The following ARB2A variants were observed in gnomAD, a reference collection of about 807,000 sequenced individuals.
ARB2A encodes the protein ARB2 cotranscriptional regulator A, also known as cotranscriptional regulator ARB2A.
At chr5:93,728,815 ACAT>A in the ARB2A span, among the ~76,000 whole-genome samples, 1 of 152,158 alleles carries the variant, frequency 6.6e-6, no homozygotes, top group Non-Finnish European at 1.5e-5. Context: ...GACAACAACA[ACAT>A]CATTAACAAA....
the ARB2A span, among the ~76,000 whole-genome samples, chr5:94,034,695 C>T: frequency 6.6e-6 from 1 of 152,176 alleles, no homozygotes; most frequent in Non-Finnish European, 1.5e-5. Flanking sequence ...TTTTCACATG[C>T]GTCCATTAGA....
the ARB2A span, among the ~76,000 whole-genome samples, chr5:93,874,569 T>C: frequency 6.6e-6 from 1 of 152,176 alleles, no homozygotes; most frequent in Admixed American, 6.5e-5. Flanking sequence ...CTAAGTTGCA[T>C]CCTTTATAAT....
the ARB2A span, chr5:93,740,620 T>G: frequency 6.2e-7 from 1 of 1,602,698 alleles, no homozygotes; most frequent in Non-Finnish European, 8.5e-7. Context: ...GGCAGAGGAG[T>G]GGGCTACCCC....
the ARB2A span, among the ~76,000 whole-genome samples, chr5:93,875,444 C>T: frequency 6.6e-6 from 1 of 152,066 alleles, no homozygotes; most frequent in Non-Finnish European, 1.5e-5. Flanking sequence ...GTTGGCCAGG[C>T]TGGTCTCGAA....
At chr5:93,737,651 C>G in the ARB2A span, 6 of 212,314 alleles carry the variant, frequency 2.8e-5, no homozygotes, top group South Asian at 3.6e-4. Context: ...TATAGACCAA[C>G]AGAAGAGAGT....
At chr5:93,910,141 A>T in the ARB2A span, among the ~76,000 whole-genome samples, 1 of 151,202 alleles carries the variant, frequency 6.6e-6, no homozygotes, top group Admixed American at 6.6e-5. Flanking sequence ...AATAAAATTA[A>T]ATGACAAAAC....
the ARB2A span, among the ~76,000 whole-genome samples, chr5:93,667,937 G>A: frequency 6.6e-6 from 1 of 152,150 alleles, no homozygotes; most frequent in Non-Finnish European, 1.5e-5. Context: ...GGATGTGAAG[G>A]AGGAGTAAGG....
the ARB2A span, chr5:93,739,791 A>G: frequency 6.6e-6 from 1 of 152,146 alleles, no homozygotes; most frequent in Non-Finnish European, 1.5e-5. Flanking sequence ...ATTCCCAGGG[A>G]ACCAAATAGA....
At chr5:93,946,318 A>C in the ARB2A span, among the ~76,000 whole-genome samples, 2 of 152,178 alleles carry the variant, frequency 1.3e-5, no homozygotes, top group Admixed American at 6.5e-5. Flanking sequence ...CAGAGTCCAC[A>C]GGGTTCCAAA....
the ARB2A span, among the ~76,000 whole-genome samples, chr5:93,789,279 G>A: frequency 2.4e-4 from 36 of 152,198 alleles, no homozygotes; most frequent in African/African-American, 8.2e-4. Flanking sequence ...CATCAGATTA[G>A]GATCTGACAC....
At chr5:93,892,138 T>C in the ARB2A span, among the ~76,000 whole-genome samples, 1 of 152,166 alleles carries the variant, frequency 6.6e-6, no homozygotes, top group East Asian at 1.9e-4. Flanking sequence ...TGAAAAGGTG[T>C]TGAAGTGCAG....
the ARB2A span, among the ~76,000 whole-genome samples, chr5:93,830,311 G>GTATGTGTGTGTATA: frequency 7.3e-5 from 6 of 82,268 alleles, no homozygotes; most frequent in East Asian, 2.8e-4. Context: ...GTGTGTGTGT[G>GTATGTGTGTGTATA]TATATATATA....
the ARB2A span, among the ~76,000 whole-genome samples, chr5:94,008,835 A>G: frequency 1.3e-5 from 2 of 152,162 alleles, no homozygotes; most frequent in Admixed American, 6.5e-5. Flanking sequence ...GTATAAAGGT[A>G]GTACTGATTC....
chr5:93,821,055 TACA>T, the ARB2A span, among the ~76,000 whole-genome samples: 9 of 152,264 alleles, frequency 5.9e-5, no homozygotes, highest in East Asian at 1.7e-3. Context: ...TCAGGATAAA[TACA>T]ACATTTTAAG....
the ARB2A span, among the ~76,000 whole-genome samples, chr5:93,796,880 T>G: frequency 6.6e-6 from 1 of 152,170 alleles, no homozygotes; most frequent in Non-Finnish European, 1.5e-5. Context: ...TTTTGGGGAT[T>G]GCACTTACTG....
chr5:94,000,145 T>C, the ARB2A span, among the ~76,000 whole-genome samples: 5 of 152,152 alleles, frequency 3.3e-5, no homozygotes, highest in Non-Finnish European at 5.9e-5. Context: ...CAGGTTTTCA[T>C]GTGGACGTAA....
chr5:94,027,378 CT>C, the ARB2A span, among the ~76,000 whole-genome samples: 1 of 152,206 alleles, frequency 6.6e-6, no homozygotes, highest in Non-Finnish European at 1.5e-5. Flanking sequence ...AAGGTTAGGA[CT>C]TTCATTCCCC....
the ARB2A span, among the ~76,000 whole-genome samples, chr5:93,830,311 G>GTATGTGTGTGTGTA: frequency 1.2e-5 from 1 of 82,260 alleles, no homozygotes; most frequent in African/African-American, 5.2e-5. Flanking sequence ...GTGTGTGTGT[G>GTATGTGTGTGTGTA]TATATATATA....
At chr5:93,914,024 A>G in the ARB2A span, among the ~76,000 whole-genome samples, 1 of 151,968 alleles carries the variant, frequency 6.6e-6, no homozygotes, top group Non-Finnish European at 1.5e-5. Context: ...ACATCCTTCC[A>G]TGGAAGATTC....
Sources: allele counts gnomAD v4.1 joint callset (sites outside exome capture counted in the v4.1 genomes callset), GRCh38; gene constraint gnomAD v4.1.1; transcripts MANE v1.5; gene names NCBI Gene and HGNC (gene_info 2026-07-23, HGNC 2026-07-21).